Variants in USP34 observed in about 807,000 individuals in gnomAD.
USP34 encodes ubiquitin specific peptidase 34.
USP34 carries 70 observed loss-of-function variants against 460.3 expected under a neutral mutation model. That is an observed-to-expected ratio of 0.15 (90% CI 0.13 to 0.19). The LOEUF is 0.19. Among genes scored for constraint, USP34 ranks in the 10% least tolerant of loss-of-function variants. USP34 has a pLI of 1.00. For missense variants in USP34, 3,985 were observed against 4,236.2 expected (o/e 0.94, Z 1.65); for synonymous variants, 1,647 against 1,405.3 (o/e 1.17, Z -3.85).
At chr2:61,447,308 ATCTCATCAGAAAAATCTGT>A (rs1219090634) in intron 1 of USP34, among the ~76,000 whole-genome samples, 2 of 149,408 alleles carry the variant, frequency 1.3e-5, no homozygotes, top group African/African-American at 4.9e-5. Flanking sequence ...AATTCCACTG[ATCTCATCAGAAAAATCTGT>A]TAAGTATTGG....
intron 1 of USP34, among the ~76,000 whole-genome samples, chr2:61,460,431 C>T (rs1435908336): frequency 6.6e-6 from 1 of 152,044 alleles, no homozygotes; most frequent in Admixed American, 6.6e-5. Context: ...TTCAAGTAAC[C>T]CTTACTTTAC....
chr2:61,315,084 TTAAA>T (rs1690701796), intron 23 of USP34, 110 bp from the exon 24 acceptor site: 1 of 698,622 alleles, frequency 1.4e-6, no homozygotes, highest in Non-Finnish European at 2.3e-6. Flanking sequence ...TATTCAGCTA[TTAAA>T]TAATAAAAAT....
chr2:61,298,387 A>C (rs890318150), intron 29 of USP34, among the ~76,000 whole-genome samples: 4 of 147,524 alleles, frequency 2.7e-5, no homozygotes, highest in African/African-American at 5.0e-5. Flanking sequence ...AAAAAAAAAA[A>C]ACTAGCTGGG....
chr2:61,201,378 T>C (rs866329252), intron 75 of USP34, among the ~76,000 whole-genome samples: 2 of 151,986 alleles, frequency 1.3e-5, no homozygotes, highest in Non-Finnish European at 2.9e-5. Context: ...CCACCATGCC[T>C]AGCTAATTTT....
chr2:61,300,434 A>C (rs1690184237), intron 29 of USP34, among the ~76,000 whole-genome samples: 1 of 148,670 alleles, frequency 6.7e-6, no homozygotes, highest in African/African-American at 2.5e-5. Flanking sequence ...TGATCTGCCC[A>C]TCTCAGCCTC....
Position 61,400,073 on chromosome 2 carries a change from CAG to C in USP34, c.553-4842_553-4841del, listed in dbSNP as rs749836730. On this transcript the variant is annotated intron_variant, in intron 3 of 79. Coordinates refer to ENST00000398571, the MANE Select transcript of USP34 (RefSeq NM_014709.4). The stretch of plus-strand genomic sequence containing the variant: ...AATTTGGTTATTTTAAAAGAGAAAA[CAG>C]AGAGAAATAAATGAGTAACTATACA... Among the ~76,000 whole-genome samples, 129 of 124,732 alleles carry C rather than the reference CAG, an allele frequency of 1.0e-3. 1 individual carries two copies. The highest frequency in any genetic ancestry group is 1.9e-3 in the Non-Finnish European group (107 of 56,988). 81.8% of individuals were successfully genotyped at this position (124,732 alleles called of 152,430 possible).
Position 61,344,000 on chromosome 2 carries a change from T to A in USP34, c.2315A>T (p.Asp772Val). ...GHMVDDMLSA[D>V]DVSCSSSQVS... ...CTGGGAGCTACTACAACTGACATCA[T>A]CTGCACTTAGCATATCATCAACCAT... is the stretch of plus-strand genomic sequence containing the variant. The change falls in exon 16 of 80, where the codon GAT becomes GTT. Residue 772 changes from aspartate to valine, a missense_variant. Physicochemically the swap from Asp to Val is radical, Grantham distance 152. Coordinates refer to ENST00000398571, the MANE Select transcript of USP34 (RefSeq NM_014709.4). 6.2e-7 allele frequency: 1 copy of A among 1,613,916 alleles called. No individual in the cohort carries two copies. Among genetic ancestry groups the A allele is most frequent in the Non-Finnish European group, 8.5e-7 (1 of 1,179,906 alleles).
Position 61,307,967 on chromosome 2 carries a change from T to A in USP34, c.3817+3573A>T, listed in dbSNP as rs1453392471. Among the ~76,000 whole-genome samples, 6 of 152,104 alleles carry A rather than the reference T, an allele frequency of 3.9e-5. No homozygotes were observed. The East Asian group carries it at 1.2e-3, about 29-fold the overall frequency. Reference sequence around the variant, plus strand: ...CGGAGACTCAGGTGGCAGGATCACCTGAGAACGGGAGGTTAAGGCTGTGGT... The same window carrying A: ...CGGAGACTCAGGTGGCAGGATCACCAGAGAACGGGAGGTTAAGGCTGTGGT... On this transcript the variant is annotated intron_variant, in intron 27 of 79. Transcript: ENST00000398571.
In USP34 at chr2:61,288,739, C is replaced by G. The variant is rs761326924; in HGVS notation, c.4687G>C (p.Gly1563Arg). 1 of 1,614,004 alleles carries G rather than the reference C, an allele frequency of 6.2e-7. No individual in the cohort carries two copies. Among genetic ancestry groups the G allele is most frequent in the Non-Finnish European group, 8.5e-7 (1 of 1,179,958 alleles). Residue 1563 changes from glycine (G) to arginine (R), a missense_variant, in exon 34 of 80, where the codon GGC (glycine) becomes CGC (arginine). Physicochemically the swap from Gly to Arg is moderately radical, Grantham distance 125 (BLOSUM62 -2). Around this residue, in one of 14 missense-constraint regions of USP34, gnomAD observed 1,114 missense variants for 1,122.5 expected, o/e 0.99. Transcript: ENST00000398571. ...TCACCAGCAGCCTTCCTTGATTTGCCAGGCCAGGTTCTTTTCCTATGGCTT... is the reference window on the plus strand; with the variant it reads ...TCACCAGCAGCCTTCCTTGATTTGCGAGGCCAGGTTCTTTTCCTATGGCTT... ...AESHRKRTWP[G>R]KSRKAAGDHA...
intron 75 of USP34, among the ~76,000 whole-genome samples, chr2:61,200,985 G>C (rs1368450636): frequency 6.6e-6 from 1 of 151,884 alleles, no homozygotes; most frequent in Non-Finnish European, 1.5e-5. Flanking sequence ...CCAATTTTCT[G>C]TATTAACCAA....
chr2:61,456,240 G>A (rs575539022), intron 1 of USP34, among the ~76,000 whole-genome samples: 1 of 152,294 alleles, frequency 6.6e-6, no homozygotes, highest in South Asian at 2.1e-4. Context: ...GTAACAACGT[G>A]CCAGATTTCT....
chr2:61,209,099 G>C, intron 69 of USP34, 122 bp from the exon 70 acceptor site: 1 of 473,908 alleles, frequency 2.1e-6, no homozygotes, highest in African/African-American at 2.0e-5. Context: ...CTACAGAAAA[G>C]AGACTGCTTC....
In USP34 at chr2:61,400,179, G is replaced by A. The variant is rs572883250; in HGVS notation, c.553-4946C>T. ...GGCTGGAGTGCAGCGGCACCATCCC[G>A]GCTCATTACAAGCTCCGCCTCCCGG... On this transcript the variant is annotated intron_variant, in intron 3 of 79. Coordinates refer to ENST00000398571, the MANE Select transcript of USP34 (RefSeq NM_014709.4). Among the ~76,000 whole-genome samples the A allele has an allele frequency of 1.8e-4, 27 of 151,042 alleles. 1 individual carries two copies. The highest frequency in any genetic ancestry group is 6.3e-4 in the South Asian group (3 of 4,774).
chr2:61,306,785 G>C (rs1231990560), intron 27 of USP34, among the ~76,000 whole-genome samples: 1 of 152,148 alleles, frequency 6.6e-6, no homozygotes, highest in Admixed American at 6.5e-5. Context: ...ACACCAGTTA[G>C]AATGGCGATC....
intron 1 of USP34, among the ~76,000 whole-genome samples, chr2:61,467,590 A>G (rs1213261270): frequency 6.8e-6 from 1 of 147,736 alleles, no homozygotes; most frequent in Non-Finnish European, 1.5e-5. Flanking sequence ...ATGAATTCTG[A>G]GCACATTTTG....
intron 10 of USP34, among the ~76,000 whole-genome samples, chr2:61,352,959 C>A (rs921556346): frequency 6.6e-6 from 1 of 152,118 alleles, no homozygotes; most frequent in Non-Finnish European, 1.5e-5. Flanking sequence ...ATGTACTAGC[C>A]GAATCAGATG....
intron 29 of USP34, among the ~76,000 whole-genome samples, chr2:61,297,900 A>T (rs991874286): frequency 6.6e-6 from 1 of 152,202 alleles, no homozygotes; most frequent in African/African-American, 2.4e-5. Context: ...TTGGTCTTTC[A>T]CAAGCTTGAT....
At chr2:61,284,087 G>C (rs542572876) in intron 35 of USP34, among the ~76,000 whole-genome samples, 22 of 151,834 alleles carry the variant, frequency 1.4e-4, no homozygotes, top group South Asian at 8.3e-4. Flanking sequence ...AAGAATCACT[G>C]GTAAAATCTT....
At chr2:61,189,270 TTG>T in intron 78 of USP34, 3 of 544,852 alleles carry the variant, frequency 5.5e-6, no homozygotes, top group Non-Finnish European at 6.0e-6. Flanking sequence ...TTTTTTTTTT[TTG>T]TTTTGTTTTT....
Sources: allele counts gnomAD v4.1 joint callset (sites outside exome capture counted in the v4.1 genomes callset), GRCh38; gene constraint gnomAD v4.1.1; regional missense constraint gnomAD v4.1.1; transcripts MANE v1.5; gene names NCBI Gene and HGNC (gene_info 2026-07-23, HGNC 2026-07-21).